MINAR1: variants seen among roughly 807,000 people sequenced by gnomAD.
MINAR1 encodes the protein membrane integral NOTCH2 associated receptor 1, also known as major intrinsically disordered Notch2-binding receptor 1.
A neutral mutation model predicts 65.1 loss-of-function variants in MINAR1; 40 were observed. The observed-to-expected ratio is 0.61, with a 90% confidence interval of 0.48 to 0.80. MINAR1 has a LOEUF of 0.80. Ranked by LOEUF, MINAR1 falls within the 30% of genes least tolerant of loss-of-function variation. MINAR1 has a pLI of 0.00. For synonymous variants in MINAR1, 482 were observed against 449.1 expected, an observed-to-expected ratio of 1.07 and a Z score of -0.93; for missense variants, 1,128 against 1,148.0, an observed-to-expected ratio of 0.98 and a Z score of 0.25.
intron 1 of MINAR1, among the ~76,000 whole-genome samples, chr15:79,436,009 G>T (rs113393435): frequency 0.012 from 1,828 of 152,330 alleles, 39 homozygotes; most frequent in African/African-American, 0.042. Flanking sequence ...ACCTTTAAGA[G>T]TCAGCAGGTG....
Position 79,442,070 on chromosome 15 carries a change from T to A in MINAR1, c.-51+9530T>A, listed in dbSNP as rs529458136. On this transcript the variant is annotated intron_variant, in intron 1 of 3. Transcript: ENST00000305428. ...TTTTACTTTTTTTTTTTACTGTTTTTTTTTTATGTTTACTGACATGGTAAG... is the reference window on the plus strand; with the variant it reads ...TTTTACTTTTTTTTTTTACTGTTTTATTTTTATGTTTACTGACATGGTAAG... 1.8e-4 allele frequency among the ~76,000 whole-genome samples: 28 copies of A among 151,716 alleles called. No homozygotes were observed. In the East Asian group the frequency reaches 5.0e-3, roughly 27 times the overall value.
At position 79,470,753 on chromosome 15, in the gene MINAR1, G is replaced by A. The variant is rs758590726; in HGVS notation, c.*2369G>A. The A allele has an allele frequency of 2.0e-5, 3 of 152,188 alleles. No homozygotes were observed. The highest frequency in any genetic ancestry group is 2.1e-4 in the South Asian group (1 of 4,826). 9.4% of individuals were successfully genotyped at this position (152,188 alleles called of 1,614,324 possible). A position where few individuals can be genotyped will look rare whatever the true frequency, so the allele number is the denominator to read the frequency against. On this transcript the variant is annotated 3_prime_UTR_variant, in exon 4 of 4. Transcript: ENST00000305428. ...AAATTCAACTCAACATTGTTGTCAC[G>A]TAACGGAAACATCTAGACCTGGTAA...
chr15:79,440,504 TTGTGAG>T (rs1894840759), intron 1 of MINAR1, among the ~76,000 whole-genome samples: 1 of 152,144 alleles, frequency 6.6e-6, no homozygotes, highest in South Asian at 2.1e-4. Context: ...CTTTGGGAAA[TTGTGAG>T]TGTTCCCTGT....
rs746830114 is a variant in MINAR1, at chr15:79,463,048, T to A, written c.2299-19T>A. Reference sequence around the variant, plus strand: ...GGCAACTGTGCCACTTGTCTGGACTTCTTTGTGCCCCTCTGCAGGCAGACA... The same window carrying A: ...GGCAACTGTGCCACTTGTCTGGACTACTTTGTGCCCCTCTGCAGGCAGACA... On this transcript the variant is annotated intron_variant, in intron 2 of 3. Transcript: ENST00000305428. 1 of 1,600,940 alleles carries A rather than the reference T, an allele frequency of 6.2e-7. No individual in the cohort carries two copies. The highest frequency in any genetic ancestry group is 1.1e-5 in the South Asian group (1 of 90,094).
At chr15:79,459,645 C>T (rs35781573) in intron 2 of MINAR1, among the ~76,000 whole-genome samples, 34,123 of 152,030 alleles carry the variant, frequency 0.22, 4,410 homozygotes, top group Admixed American at 0.37. Flanking sequence ...GGGAGGAGGC[C>T]GAGCTCCTCA....
At chr15:79,431,699 C>T (rs1030256164), upstream of MINAR1, among the ~76,000 whole-genome samples, 33 of 152,378 alleles carry the variant, frequency 2.2e-4, no homozygotes, top group African/African-American at 7.9e-4. Context: ...CGAGGACACT[C>T]TTCGCCCCTG....
At chr15:79,460,016 G>C (rs1329762821) in intron 2 of MINAR1, among the ~76,000 whole-genome samples, 1 of 152,048 alleles carries the variant, frequency 6.6e-6, no homozygotes, top group Non-Finnish European at 1.5e-5. Context: ...GAAATATTAG[G>C]TTAAACTGAA....
Position 79,468,569 on chromosome 15 carries a change from T to C in MINAR1, c.*185T>C. 1 of 601,730 alleles carries C rather than the reference T, an allele frequency of 1.7e-6. No homozygotes were observed. Among genetic ancestry groups the C allele is most frequent in the South Asian group, 2.1e-5 (1 of 48,410 alleles). The allele number at this position is 601,730 out of a possible 1,614,324, so 37.3% of individuals were successfully genotyped here. The stretch of plus-strand genomic sequence containing the variant: ...TCTAGTGAGAAATCTACCTACCTAT[T>C]AGCTTTGACTCAATTACACTCTGAC... On this transcript the variant is annotated 3_prime_UTR_variant, in exon 4 of 4. Coordinates refer to ENST00000305428, the MANE Select transcript of MINAR1 (RefSeq NM_015206.3).
At chr15:79,468,119 C>T in intron 3 of MINAR1, 68 bp from the exon 4 acceptor site, 1 of 1,295,282 alleles carries the variant, frequency 7.7e-7, no homozygotes, top group East Asian at 2.4e-5. Flanking sequence ...GGAGTGATGA[C>T]TGTCGGGACG....
chr15:79,435,128 T>C (rs900716768), intron 1 of MINAR1, among the ~76,000 whole-genome samples: 2 of 151,834 alleles, frequency 1.3e-5, no homozygotes, highest in Admixed American at 1.3e-4. Context: ...TACAAAAAAT[T>C]AGCCAGGCAT....
chr15:79,458,534 C>CCTCTTGCCTGTTT, intron 2 of MINAR1, 89 bp downstream of exon 2: 1 of 1,466,470 alleles, frequency 6.8e-7, no homozygotes, highest in Non-Finnish European at 9.2e-7. Context: ...GTTAAACAGG[C>CCTCTTGCCTGTTT]AAGAGGCCTG....
chr15:79,434,398 T>C (rs1894537260), intron 1 of MINAR1, among the ~76,000 whole-genome samples: 1 of 152,200 alleles, frequency 6.6e-6, no homozygotes, highest in Admixed American at 6.5e-5. Flanking sequence ...TCCTGTGAGG[T>C]TGAAATATCT....
At position 79,470,645 on chromosome 15, in the gene MINAR1, G is replaced by GGATTCTATAGAA. The variant is rs1437096741; in HGVS notation, c.*2262_*2273dup. 1 of 152,186 alleles carries GGATTCTATAGAA rather than the reference G, an allele frequency of 6.6e-6. No homozygotes were observed. Among genetic ancestry groups the GGATTCTATAGAA allele is most frequent in the Non-Finnish European group, 1.5e-5 (1 of 68,046 alleles). 9.4% of individuals were successfully genotyped at this position (152,186 alleles called of 1,614,324 possible). On this transcript the variant is annotated 3_prime_UTR_variant, in exon 4 of 4. Transcript: ENST00000305428. ...TCACACCTCAGGCTTGGAAATGAAA[G>GGATTCTATAGAA]GATTCTATAGAATATTCTATACTTT...
At chr15:79,438,740 A>G (rs1482738404) in intron 1 of MINAR1, among the ~76,000 whole-genome samples, 2 of 1,550 alleles carry the variant, frequency 1.3e-3, no homozygotes, top group Non-Finnish European at 2.7e-3. Flanking sequence ...TGGGGTGTGG[A>G]TGGGGTGGGT....
At chr15:79,440,933 T>C (rs1032495777) in intron 1 of MINAR1, among the ~76,000 whole-genome samples, 1 of 152,230 alleles carries the variant, frequency 6.6e-6, no homozygotes, top group African/African-American at 2.4e-5. Flanking sequence ...GTTTTGTTCA[T>C]TGTCTGCCTT....
Position 79,468,397 on chromosome 15 carries a change from A to C in MINAR1, c.*13A>C. 6.2e-7 allele frequency: 1 copy of C among 1,611,376 alleles called. No homozygotes were observed. The highest frequency in any genetic ancestry group is 8.5e-7 in the Non-Finnish European group (1 of 1,178,168). ...AATGAAATCATGAGCTAAGAATGCA[A>C]CCTTACGTACAGCTTATGACTACCA... On this transcript the variant is annotated 3_prime_UTR_variant, in exon 4 of 4. Coordinates refer to ENST00000305428, the MANE Select transcript of MINAR1 (RefSeq NM_015206.3).
chr15:79,427,007 A>G, the MINAR1 span: 1 of 152,248 alleles, frequency 6.6e-6, no homozygotes, highest in Non-Finnish European at 1.5e-5. Context: ...TAGCAAAGAC[A>G]TGAAATCAAC....
intron 1 of MINAR1, among the ~76,000 whole-genome samples, chr15:79,454,411 G>A (rs1241816120): frequency 6.6e-6 from 1 of 152,094 alleles, no homozygotes; most frequent in Non-Finnish European, 1.5e-5. Flanking sequence ...AAATGGGTTG[G>A]GTACATGTGA....
the MINAR1 span, chr15:79,417,101 C>T: frequency 6.6e-6 from 1 of 152,306 alleles, no homozygotes; most frequent in South Asian, 2.1e-4. Context: ...CAGCAGGCTC[C>T]AACACAAGCA....
Sources: gnomAD v4.1 joint callset for allele counts (sites outside exome capture counted in the v4.1 genomes callset) on GRCh38, gnomAD v4.1.1 for gene constraint, MANE v1.5 for transcripts, NCBI Gene and HGNC (gene_info 2026-07-23, HGNC 2026-07-21) for gene names.